The following ZNRF2 variants were observed in gnomAD, a reference collection of about 807,000 sequenced individuals.
ZNRF2 encodes zinc and ring finger 2, also known as E3 ubiquitin-protein ligase ZNRF2.
ZNRF2 carries 16 observed loss-of-function variants against 20.4 expected under a neutral mutation model. That is an observed-to-expected ratio of 0.79 (90% CI 0.53 to 1.19). The LOEUF (loss-of-function observed/expected upper bound fraction) is 1.19. Among genes scored for constraint, ZNRF2 ranks in the 50% most tolerant of loss-of-function variants. The pLI, the probability that ZNRF2 is intolerant of heterozygous loss-of-function variation, is 0.00. For synonymous variants in ZNRF2, 178 were observed against 144.9 expected (o/e 1.23, Z -1.64); for missense variants, 363 against 332.4 (o/e 1.09, Z -0.72).
chr7:30,330,177 T>C (rs1799615920), intron 2 of ZNRF2, among the ~76,000 whole-genome samples: 1 of 152,190 alleles, frequency 6.6e-6, no homozygotes, highest in Non-Finnish European at 1.5e-5. Context: ...GAATCTTTGT[T>C]TTACTTGTGG....
At chr7:30,304,627 A>C (rs1799171602) in intron 1 of ZNRF2, among the ~76,000 whole-genome samples, 1 of 152,206 alleles carries the variant, frequency 6.6e-6, no homozygotes, top group Admixed American at 6.5e-5. Flanking sequence ...AACTACCGAA[A>C]AGTATGAATG....
chr7:30,347,315 G>A (rs944171355), intron 2 of ZNRF2, among the ~76,000 whole-genome samples: 1 of 152,096 alleles, frequency 6.6e-6, no homozygotes. Flanking sequence ...AAGAATTTTT[G>A]TTTGAATTTG....
intron 2 of ZNRF2, among the ~76,000 whole-genome samples, chr7:30,348,809 G>A (rs908065808): frequency 6.6e-6 from 1 of 152,114 alleles, no homozygotes; most frequent in Non-Finnish European, 1.5e-5. Context: ...GCATCTTTAG[G>A]CATCTGAGTT....
chr7:30,344,810 C>A (rs150775261), intron 2 of ZNRF2, among the ~76,000 whole-genome samples: 175 of 152,286 alleles, frequency 1.1e-3, no homozygotes, highest in Middle Eastern at 3.4e-3. Flanking sequence ...ACACAGACTG[C>A]TTATCTATGT....
At chr7:30,344,588 CTT>C (rs1015860389) in intron 2 of ZNRF2, among the ~76,000 whole-genome samples, 17 of 152,250 alleles carry the variant, frequency 1.1e-4, no homozygotes, top group African/African-American at 3.6e-4. Context: ...ATCCTCACCT[CTT>C]TTAATTTTTG....
intron 1 of ZNRF2, among the ~76,000 whole-genome samples, chr7:30,321,893 G>A (rs1799475923): frequency 6.6e-6 from 1 of 151,912 alleles, no homozygotes; most frequent in South Asian, 2.1e-4. Context: ...TTCATTTTTA[G>A]GGGTGTCTAA....
intron 4 of ZNRF2, 34 bp downstream of exon 4, chr7:30,362,490 A>G: frequency 1.5e-6 from 2 of 1,323,860 alleles, no homozygotes; most frequent in South Asian, 1.3e-5. Flanking sequence ...TTAAAGCGTT[A>G]GCCCAAATTA....
At chr7:30,324,276 G>A (rs901279156) in intron 2 of ZNRF2, among the ~76,000 whole-genome samples, 2 of 151,756 alleles carry the variant, frequency 1.3e-5, no homozygotes, top group Middle Eastern at 3.4e-3. Flanking sequence ...GCTCACACCT[G>A]TAATCCCAGC....
intron 2 of ZNRF2, among the ~76,000 whole-genome samples, chr7:30,352,982 T>C (rs1283875009): frequency 1.3e-5 from 2 of 152,022 alleles, no homozygotes; most frequent in Non-Finnish European, 2.9e-5. Flanking sequence ...TGAATGAAAG[T>C]GTCATTATAG....
At chr7:30,327,531 A>G (rs1368669466) in intron 2 of ZNRF2, among the ~76,000 whole-genome samples, 1 of 152,054 alleles carries the variant, frequency 6.6e-6, no homozygotes, top group African/African-American at 2.4e-5. Context: ...AAGAACTAAT[A>G]TATAACCTTC....
chr7:30,349,498 A>G (rs546942249), intron 2 of ZNRF2, among the ~76,000 whole-genome samples: 3 of 152,104 alleles, frequency 2.0e-5, no homozygotes, highest in Admixed American at 6.6e-5. Flanking sequence ...ATTTATTTCT[A>G]CCACTACCCT....
chr7:30,343,198 G>T (rs1330785391), intron 2 of ZNRF2, among the ~76,000 whole-genome samples: 1 of 151,884 alleles, frequency 6.6e-6, no homozygotes, highest in African/African-American at 2.4e-5. Flanking sequence ...GCCAATAGTC[G>T]CAGCTACTGG....
chr7:30,321,510 G>T (rs939590253), intron 1 of ZNRF2, among the ~76,000 whole-genome samples: 1 of 150,890 alleles, frequency 6.6e-6, no homozygotes, highest in Non-Finnish European at 1.5e-5. Context: ...AGAGAAACAT[G>T]TGTTTAATTC....
At chr7:30,331,603 G>A (rs892471422) in intron 2 of ZNRF2, among the ~76,000 whole-genome samples, 1 of 152,090 alleles carries the variant, frequency 6.6e-6, no homozygotes, top group African/African-American at 2.4e-5. Flanking sequence ...TATAAAAATC[G>A]CAGAAAAAGA....
intron 2 of ZNRF2, among the ~76,000 whole-genome samples, chr7:30,325,643 C>T (rs762177273): frequency 6.6e-5 from 10 of 152,108 alleles, no homozygotes; most frequent in Non-Finnish European, 1.5e-4. Context: ...TCAATTCTTC[C>T]CTTTCCTTCA....
chr7:30,339,250 G>A (rs1799760136), intron 2 of ZNRF2, among the ~76,000 whole-genome samples: 1 of 152,086 alleles, frequency 6.6e-6, no homozygotes, highest in Non-Finnish European at 1.5e-5. Context: ...TTCTTTTGCT[G>A]TGCAGAAGCT....
intron 1 of ZNRF2, among the ~76,000 whole-genome samples, chr7:30,297,126 G>A (rs1799032422): frequency 6.6e-6 from 1 of 152,132 alleles, no homozygotes; most frequent in Non-Finnish European, 1.5e-5. Flanking sequence ...TTAAAAATTT[G>A]TTAGTTTAAA....
At chr7:30,365,009 C>T (rs1800187339) in intron 4 of ZNRF2, among the ~76,000 whole-genome samples, 1 of 152,128 alleles carries the variant, frequency 6.6e-6, no homozygotes, top group Non-Finnish European at 1.5e-5. Context: ...AGGATACTAA[C>T]TGCATTCATG....
intron 1 of ZNRF2, among the ~76,000 whole-genome samples, chr7:30,312,040 C>T (rs1297708432): frequency 6.6e-6 from 1 of 152,124 alleles, no homozygotes; most frequent in Non-Finnish European, 1.5e-5. Context: ...TAAAATAATT[C>T]TATCAAATTT....
Sources: allele counts gnomAD v4.1 joint callset (sites outside exome capture counted in the v4.1 genomes callset), GRCh38; gene constraint gnomAD v4.1.1; transcripts MANE v1.5; gene names NCBI Gene and HGNC (gene_info 2026-07-23, HGNC 2026-07-21).